Variants in ITGA9 observed in about 807,000 individuals in gnomAD.
The protein encoded by ITGA9 is integrin alpha-9.
ITGA9 carries 56 observed loss-of-function variants against 127.8 expected under a neutral mutation model. That is an observed-to-expected ratio of 0.44 (90% confidence interval 0.35 to 0.55). The LOEUF is 0.55. ITGA9 is among the 20% of genes least tolerant of loss of function. The pLI is 0.00. For missense variants in ITGA9, 1,196 were observed against 1,347.1 expected, an observed-to-expected ratio of 0.89 and a Z score of 1.76; for synonymous variants, 508 against 514.5, an observed-to-expected ratio of 0.99 and a Z score of 0.17.
At chr3:37,636,208 T>C (rs374340761) in intron 16 of ITGA9, among the ~76,000 whole-genome samples, 2 of 152,198 alleles carry the variant, frequency 1.3e-5, no homozygotes, top group Admixed American at 6.5e-5. Context: ...AATCGCCATA[T>C]TGACTTCCAC....
rs942244518 is a variant in ITGA9, at chr3:37,822,470, G to A, written c.*3481G>A. Reference sequence around the variant, plus strand: ...GAGGGGCAGGGTCCACTGGCTTAGTGGCAACTGACAGGCATCCATTCCGAA... The same window carrying A: ...GAGGGGCAGGGTCCACTGGCTTAGTAGCAACTGACAGGCATCCATTCCGAA... On this transcript the variant is annotated 3_prime_UTR_variant, in exon 28 of 28. Coordinates refer to ENST00000264741, the MANE Select transcript of ITGA9 (RefSeq NM_002207.3). 2 of 150,658 alleles carry A rather than the reference G, an allele frequency of 1.3e-5. No individual in the cohort carries two copies. Among genetic ancestry groups the A allele is most frequent in the Non-Finnish European group, 3.0e-5 (2 of 67,142 alleles). The allele number at this position is 150,658 out of a possible 1,614,324, so 9.3% of individuals were successfully genotyped here. A position where few individuals can be genotyped will look rare whatever the true frequency, so the allele number is the denominator to read the frequency against.
rs937429332 is a variant in ITGA9, at chr3:37,820,403, C to T, written c.*1414C>T. 1.3e-5 allele frequency: 2 copies of T among 152,390 alleles called. No homozygotes were observed. Among genetic ancestry groups the T allele is most frequent in the Non-Finnish European group, 2.9e-5 (2 of 68,196 alleles). 9.4% of individuals were successfully genotyped at this position (152,390 alleles called of 1,614,324 possible). A position where few individuals can be genotyped will look rare whatever the true frequency, so the allele number is the denominator to read the frequency against. On this transcript the variant is annotated 3_prime_UTR_variant, in exon 28 of 28. Coordinates refer to ENST00000264741, the MANE Select transcript of ITGA9 (RefSeq NM_002207.3). Reference sequence around the variant, plus strand: ...TAAAGGACAACCACAGATGCATCCTCAGCCAGGGGAGACACAGGGAAATGA... The same window carrying T: ...TAAAGGACAACCACAGATGCATCCTTAGCCAGGGGAGACACAGGGAAATGA...
intron 15 of ITGA9, among the ~76,000 whole-genome samples, chr3:37,598,966 G>A (rs1179260958): frequency 1.3e-5 from 2 of 152,166 alleles, no homozygotes; most frequent in African/African-American, 4.8e-5. Flanking sequence ...GCAGACATCT[G>A]GAAAGAATTT....
intron 15 of ITGA9, among the ~76,000 whole-genome samples, chr3:37,622,952 A>G (rs1700141594): frequency 6.6e-6 from 1 of 152,178 alleles, no homozygotes; most frequent in Admixed American, 6.5e-5. Context: ...GATTACAAAT[A>G]TGTTATACCT....
At chr3:37,623,028 T>C (rs887373361) in intron 15 of ITGA9, among the ~76,000 whole-genome samples, 1 of 152,216 alleles carries the variant, frequency 6.6e-6, no homozygotes, top group African/African-American at 2.4e-5. Context: ...CTCTCCATGC[T>C]TTGATCTGGA....
chr3:37,657,824 G>A (rs1354798592), intron 17 of ITGA9, among the ~76,000 whole-genome samples: 2 of 152,004 alleles, frequency 1.3e-5, no homozygotes, highest in African/African-American at 4.8e-5. Flanking sequence ...TCTCCTGTGG[G>A]CATTTAGTGC....
chr3:37,725,164 C>T (rs1348432698), intron 18 of ITGA9, among the ~76,000 whole-genome samples: 1 of 152,182 alleles, frequency 6.6e-6, no homozygotes, highest in Admixed American at 6.5e-5. Flanking sequence ...AACAGGAGTG[C>T]TTGCTTATGT....
rs563664576 is a variant in ITGA9 at position 37,455,190 on chromosome 3, A to G, written c.185+2631A>G. Among the ~76,000 whole-genome samples, 25 of 152,300 alleles carry G rather than the reference A, an allele frequency of 1.6e-4. No homozygotes were observed. In the East Asian group the frequency reaches 4.8e-3, roughly 29 times the overall value. On this transcript the variant is annotated intron_variant, in intron 1 of 27. Coordinates refer to ENST00000264741, the MANE Select transcript of ITGA9 (RefSeq NM_002207.3). Reference sequence around the variant, plus strand: ...AACTGATTGTTGGTCGCTTACTCCTAAGCAGTACCTGAGCCCTGGATCTTC... The same window carrying G: ...AACTGATTGTTGGTCGCTTACTCCTGAGCAGTACCTGAGCCCTGGATCTTC...
chr3:37,625,351 G>T (rs1250795664), intron 15 of ITGA9, among the ~76,000 whole-genome samples: 1 of 152,148 alleles, frequency 6.6e-6, no homozygotes, highest in African/African-American at 2.4e-5. Flanking sequence ...CACATTGCCT[G>T]GCATAAAGTA....
At chr3:37,795,204 G>A (rs1340565445) in intron 26 of ITGA9, among the ~76,000 whole-genome samples, 3 of 152,180 alleles carry the variant, frequency 2.0e-5, no homozygotes, top group Non-Finnish European at 4.4e-5. Context: ...TAGGTCTGGA[G>A]TTGAACCTCC....
At chr3:37,640,813 C>T (rs552340570) in intron 16 of ITGA9, among the ~76,000 whole-genome samples, 17 of 152,346 alleles carry the variant, frequency 1.1e-4, no homozygotes, top group African/African-American at 4.1e-4. Flanking sequence ...AGCCTGTTTC[C>T]TCACCTGTCA....
At chr3:37,528,703 T>A (rs1699119136) in intron 13 of ITGA9, among the ~76,000 whole-genome samples, 1 of 152,238 alleles carries the variant, frequency 6.6e-6, no homozygotes, top group South Asian at 2.1e-4. Flanking sequence ...TCCTACCGCA[T>A]GCCTGGCACA....
At chr3:37,733,552 C>G in intron 19 of ITGA9, among the ~76,000 whole-genome samples, 1 of 136,784 alleles carries the variant, frequency 7.3e-6, no homozygotes, top group African/African-American at 2.7e-5. Context: ...AAAGTGAAAG[C>G]TTCATCCTTT....
chr3:37,785,988 T>G (rs1697035992), intron 26 of ITGA9, among the ~76,000 whole-genome samples: 1 of 147,914 alleles, frequency 6.8e-6, no homozygotes. Context: ...TTTATTGCCT[T>G]TTATTGTTGT....
chr3:37,732,899 C>G (rs1032691852), intron 19 of ITGA9, 101 bp downstream of exon 19: 2 of 875,034 alleles, frequency 2.3e-6, no homozygotes, highest in Middle Eastern at 2.1e-4. Flanking sequence ...CCTCCCACCC[C>G]CTGCCTCCCA....
rs148288628 is a variant in ITGA9, at chr3:37,699,968, C to T, written c.2067+15953C>T. Among the ~76,000 whole-genome samples the T allele has an allele frequency of 7.8e-4, 118 of 152,254 alleles. 1 individual carries two copies. In the East Asian group the frequency reaches 0.015, roughly 20 times the overall value. ...TGCTTTTCTCTATAGAACCTATGACCATCTGGCATACTATTTTTTTGTTTT... is the reference window on the plus strand; with the variant it reads ...TGCTTTTCTCTATAGAACCTATGACTATCTGGCATACTATTTTTTTGTTTT... On this transcript the variant is annotated intron_variant, in intron 18 of 27. Coordinates refer to ENST00000264741, the MANE Select transcript of ITGA9 (RefSeq NM_002207.3).
intron 4 of ITGA9, among the ~76,000 whole-genome samples, chr3:37,488,294 T>G (rs914901690): frequency 2.0e-5 from 3 of 152,060 alleles, no homozygotes; most frequent in African/African-American, 7.2e-5. Flanking sequence ...GGGTTCTCAC[T>G]GAAATGTGAC....
intron 16 of ITGA9, among the ~76,000 whole-genome samples, chr3:37,648,556 G>T (rs1700401058): frequency 6.6e-6 from 1 of 152,010 alleles, no homozygotes; most frequent in African/African-American, 2.4e-5. Context: ...GAGCCCAGGA[G>T]GTAGAGGCTG....
intron 14 of ITGA9, among the ~76,000 whole-genome samples, chr3:37,541,178 C>T (rs1008883902): frequency 1.3e-5 from 2 of 152,308 alleles, no homozygotes; most frequent in East Asian, 1.9e-4. Context: ...CCAGTGGGCT[C>T]GGGGCTACTT....
Sources: gnomAD v4.1 joint callset for allele counts (sites outside exome capture counted in the v4.1 genomes callset) on GRCh38, gnomAD v4.1.1 for gene constraint, MANE v1.5 for transcripts, NCBI Gene and HGNC (gene_info 2026-07-23, HGNC 2026-07-21) for gene names.